Variants in SPINT2 observed in about 807,000 individuals in gnomAD.
SPINT2 encodes serine peptidase inhibitor, Kunitz type 2.
A neutral mutation model predicts 30.1 loss-of-function variants in SPINT2; 18 were observed. That is an observed-to-expected ratio of 0.60 (90% CI 0.41 to 0.89). SPINT2 has a LOEUF of 0.89. SPINT2 is among the 40% of genes least tolerant of loss of function. The probability of loss-of-function intolerance (pLI) is 0.00; values close to 1 mark genes in which losing one functional copy is unlikely to be tolerated. For synonymous variants in SPINT2, 139 were observed against 137.9 expected, an observed-to-expected ratio of 1.01 and a Z score of -0.05; for missense variants, 276 against 334.3, an observed-to-expected ratio of 0.83 and a Z score of 1.36.
At chr19:38,289,412 G>T (rs561924751) in intron 4 of SPINT2, 19 of 438,526 alleles carry the variant, frequency 4.3e-5, no homozygotes, top group Non-Finnish European at 3.9e-5. Flanking sequence ...CAAAGCCTGG[G>T]AGGCGGAGGG....
chr19:38,284,385 G>A (rs1968617840), intron 2 of SPINT2, among the ~76,000 whole-genome samples: 1 of 152,234 alleles, frequency 6.6e-6, no homozygotes, highest in Non-Finnish European at 1.5e-5. Flanking sequence ...GTGAGCCACT[G>A]TGCCCAGCCA....
At chr19:38,288,730 A>T (rs1968673962) in intron 3 of SPINT2, 4 of 237,628 alleles carry the variant, frequency 1.7e-5, no homozygotes, top group Non-Finnish European at 3.4e-5. Context: ...CTAGGCCTGG[A>T]GTCCTGTGCC....
chr19:38,274,319 C>A (rs1371922173), intron 1 of SPINT2, among the ~76,000 whole-genome samples: 1 of 150,532 alleles, frequency 6.6e-6, no homozygotes, highest in Non-Finnish European at 1.5e-5. Flanking sequence ...TTTTTTCTTT[C>A]TTTTTTTTTG....
Position 38,290,418 on chromosome 19 carries a change from G to A in SPINT2, c.554-119G>A. 1.3e-6 allele frequency: 2 copies of A among 1,595,392 alleles called. No individual in the cohort carries two copies. The highest frequency in any genetic ancestry group is 1.7e-6 in the Non-Finnish European group (2 of 1,170,402). ...AGCAAGGCCTCTAAGCCCCAGAAAA[G>A]CTGGAAGAAAGCCCCTCAGAAAGAG... On this transcript the variant is annotated intron_variant, in intron 5 of 6. Coordinates refer to ENST00000301244, the MANE Select transcript of SPINT2 (RefSeq NM_021102.4). This position sits in a 1 kb window ranked among gnomAD's most constrained non-coding sequence, Gnocchi z 4.3.
rs117430753 is a variant in SPINT2 at position 38,289,668 on chromosome 19, C to T, written c.392-451C>T. On this transcript the variant is annotated intron_variant, in intron 4 of 6. Coordinates refer to ENST00000301244, the MANE Select transcript of SPINT2 (RefSeq NM_021102.4). ...GTTGGGGTCAAGGTGACAGGCCCCA[C>T]GTGGATGCCGCCAGCAGTGGGAAGG... is the stretch of plus-strand genomic sequence containing the variant. 2.2e-4 allele frequency: 59 copies of T among 270,650 alleles called. No individual in the cohort carries two copies. In the East Asian group the frequency reaches 3.1e-3, roughly 14 times the overall value. The allele number at this position is 270,650 out of a possible 1,614,324, so 16.8% of individuals were successfully genotyped here.
chr19:38,279,457 A>G (rs1234478238), intron 1 of SPINT2, among the ~76,000 whole-genome samples: 2 of 151,848 alleles, frequency 1.3e-5, no homozygotes, highest in South Asian at 2.1e-4. Context: ...AGATCGCACC[A>G]TTGCATTCCA....
intron 2 of SPINT2, among the ~76,000 whole-genome samples, chr19:38,285,228 T>C (rs1285492326): frequency 6.6e-6 from 1 of 152,214 alleles, no homozygotes; most frequent in African/African-American, 2.4e-5. Flanking sequence ...CCCTGGCTCT[T>C]AGCTGAGTGA....
intron 1 of SPINT2, among the ~76,000 whole-genome samples, chr19:38,281,494 G>A (rs1156581750): frequency 2.6e-5 from 4 of 152,084 alleles, no homozygotes; most frequent in African/African-American, 9.7e-5. Context: ...CGGATCACCT[G>A]AGGTCAGAAG....
chr19:38,277,025 C>T (rs1318083873), intron 1 of SPINT2, among the ~76,000 whole-genome samples: 2 of 151,956 alleles, frequency 1.3e-5, no homozygotes, highest in East Asian at 3.9e-4. Flanking sequence ...TGGTCTCGAA[C>T]TCCTAACCCC....
intron 6 of SPINT2, 39 bp from the exon 7 acceptor site, chr19:38,291,801 C>T (rs1968722197): frequency 6.2e-7 from 1 of 1,607,068 alleles, no homozygotes; most frequent in Non-Finnish European, 8.5e-7. Context: ...TGCAACTCCC[C>T]TTGCCTGGCC....
chr19:38,274,125 G>T (rs1429274825), intron 1 of SPINT2, among the ~76,000 whole-genome samples: 1 of 151,938 alleles, frequency 6.6e-6, no homozygotes, highest in Non-Finnish European at 1.5e-5. Context: ...CAGCTACTTG[G>T]AGGCTGAGGT....
chr19:38,272,113 A>G (rs1227624921), intron 1 of SPINT2, among the ~76,000 whole-genome samples: 1 of 151,834 alleles, frequency 6.6e-6, no homozygotes, highest in Non-Finnish European at 1.5e-5. Flanking sequence ...AGGTGGGAGA[A>G]TTGCTTGAGC....
Position 38,288,831 on chromosome 19 carries a change from A to G in SPINT2, c.338-307A>G, listed in dbSNP as rs901508074. ...GGTTTCCATCTTGTTGGAGAGGAAC[A>G]TGTCCCCCTCACTGTATTAGAAAGT... On this transcript the variant is annotated intron_variant, in intron 3 of 6. Transcript: ENST00000301244. The G allele has an allele frequency of 3.0e-5, 11 of 361,104 alleles. No homozygotes were observed. In the East Asian group the frequency reaches 6.2e-4, roughly 20 times the overall value. 22.4% of individuals were successfully genotyped at this position (361,104 alleles called of 1,614,324 possible).
rs543137626 is a variant in SPINT2 at position 38,279,708 on chromosome 19, C to T, written c.107-3919C>T. Among the ~76,000 whole-genome samples the T allele has an allele frequency of 9.2e-5, 14 of 152,218 alleles. No individual in the cohort carries two copies. In the East Asian group the frequency reaches 1.2e-3, roughly 13 times the overall value. ...TTGCTCTGTCGCCCAGGCTGGAGTG[C>T]GATGGCAAGATCTTGGCTCACTGCA... On this transcript the variant is annotated intron_variant, in intron 1 of 6. Coordinates refer to ENST00000301244, the MANE Select transcript of SPINT2 (RefSeq NM_021102.4).
At position 38,289,726 on chromosome 19, in the gene SPINT2, G is replaced by A. The variant is rs184144331; in HGVS notation, c.392-393G>A. 898 of 323,536 alleles carry A rather than the reference G, an allele frequency of 2.8e-3. 10 individuals are homozygous for A. The highest frequency in any genetic ancestry group is 0.026 in the Middle Eastern group (23 of 868). The allele number at this position is 323,536 out of a possible 1,614,324, so 20.0% of individuals were successfully genotyped here. A position where few individuals can be genotyped will look rare whatever the true frequency, so the allele number is the denominator to read the frequency against. On this transcript the variant is annotated intron_variant, in intron 4 of 6. Coordinates refer to ENST00000301244, the MANE Select transcript of SPINT2 (RefSeq NM_021102.4). ...GCCTGTGGAGATGTGCGTTAGAGGC[G>A]TAGCCTGGCACGTGGCTCTGCAATT...
intron 6 of SPINT2, chr19:38,291,356 G>A (rs927109058): frequency 3.0e-5 from 5 of 164,454 alleles, no homozygotes; most frequent in East Asian, 1.7e-4. Context: ...GTACCCCCTC[G>A]CTTCCACCCT....
chr19:38,286,584 T>C (rs1369548539), intron 2 of SPINT2, among the ~76,000 whole-genome samples: 1 of 151,986 alleles, frequency 6.6e-6, no homozygotes, highest in East Asian at 1.9e-4. Flanking sequence ...ATCGAGACCA[T>C]CCTGGCTAAC....
chr19:38,291,945 G>C lies in SPINT2; in HGVS notation c.698G>C (p.Arg233Pro). The C allele has an allele frequency of 6.2e-7, 1 of 1,614,098 alleles. No individual in the cohort carries two copies. Among genetic ancestry groups the C allele is most frequent in the Non-Finnish European group, 8.5e-7 (1 of 1,180,014 alleles). ...VARRNQERAL[R>P]TVWSSGDDKE... ...CGGAGGAACCAGGAGCGTGCCCTGC[G>C]CACCGTCTGGAGCTCCGGAGATGAC... Residue 233 changes from arginine (R) to proline (P), a missense_variant, in exon 7 of 7, where the codon CGC becomes CCC. Arg to Pro is a moderately radical substitution (Grantham distance 103). Transcript: ENST00000301244.
In SPINT2 at chr19:38,264,831, G is replaced by C. The variant is rs1172277335; in HGVS notation, c.-62G>C. ...GCGCGTGCGCGTTGAGGGGCTTCCC[G>C]CACCTGATCGCGAGACCCCAACGGC... On this transcript the variant is annotated 5_prime_UTR_variant, in exon 1 of 7. Transcript: ENST00000301244. 2 of 1,498,714 alleles carry C rather than the reference G, an allele frequency of 1.3e-6. No homozygotes were observed. The highest frequency in any genetic ancestry group is 2.5e-5 in the East Asian group (1 of 40,384). 92.8% of individuals were successfully genotyped at this position (1,498,714 alleles called of 1,614,324 possible).
Sources: allele counts gnomAD v4.1 joint callset (sites outside exome capture counted in the v4.1 genomes callset), GRCh38; gene constraint gnomAD v4.1.1; non-coding constraint Gnocchi (gnomAD v3.1); transcripts MANE v1.5; gene names NCBI Gene and HGNC (gene_info 2026-07-23, HGNC 2026-07-21).